The following NWD2 variants were observed in gnomAD, a reference collection of about 807,000 sequenced individuals.
NWD2 encodes NACHT and WD repeat domain-containing protein 2.
NWD2 carries 37 observed loss-of-function variants against 132.7 expected under a neutral mutation model. The ratio of observed to expected loss-of-function variants is 0.28; its 90% CI spans 0.21 to 0.37. The LOEUF (loss-of-function observed/expected upper bound fraction) is 0.37. Ranked by LOEUF, NWD2 falls within the 10% of genes least tolerant of loss-of-function variation. The pLI, the probability that NWD2 is intolerant of heterozygous loss-of-function variation, is 1.00. For synonymous variants in NWD2, 705 were observed against 803.0 expected, an observed-to-expected ratio of 0.88 and a Z score of 2.06; for missense variants, 1,592 against 2,122.4, an observed-to-expected ratio of 0.75 and a Z score of 4.91.
chr4:37,251,851 A>C (rs2109255206), intron 1 of NWD2, among the ~76,000 whole-genome samples: 1 of 152,350 alleles, frequency 6.6e-6, no homozygotes, highest in Admixed American at 6.5e-5. Context: ...CACTCACTCA[A>C]GCAGTAAATA....
intron 3 of NWD2, among the ~76,000 whole-genome samples, chr4:37,388,747 A>G (rs942498883): frequency 2.8e-5 from 4 of 144,902 alleles, no homozygotes; most frequent in African/African-American, 9.9e-5. Flanking sequence ...AAAATTTGCC[A>G]TTTTTAACCA....
intron 3 of NWD2, among the ~76,000 whole-genome samples, chr4:37,387,543 CTG>C (rs1195450547): frequency 6.6e-6 from 1 of 151,886 alleles, no homozygotes; most frequent in East Asian, 1.9e-4. Context: ...ATCTGCTTGT[CTG>C]TACGTCCTGT....
intron 1 of NWD2, among the ~76,000 whole-genome samples, chr4:37,267,430 C>A (rs1198199820): frequency 3.3e-5 from 5 of 151,964 alleles, no homozygotes; most frequent in Middle Eastern, 3.2e-3. Context: ...CTGATCATAG[C>A]AACCCCATCA....
At chr4:37,428,885 C>A (rs566219543) in intron 3 of NWD2, among the ~76,000 whole-genome samples, 112 of 152,280 alleles carry the variant, frequency 7.4e-4, no homozygotes, top group African/African-American at 2.6e-3. Context: ...GCACACACCA[C>A]CATGCCTGGC....
intron 3 of NWD2, among the ~76,000 whole-genome samples, chr4:37,399,583 C>G (rs7683401): frequency 0.14 from 20,924 of 152,180 alleles, 1,573 homozygotes; most frequent in East Asian, 0.29. Flanking sequence ...AAATAGCTCT[C>G]TTTCCCACTT....
chr4:37,404,643 A>C (rs150574149), intron 3 of NWD2, among the ~76,000 whole-genome samples: 46 of 152,350 alleles, frequency 3.0e-4, no homozygotes, highest in Non-Finnish European at 5.3e-4. Flanking sequence ...TCACACAGCT[A>C]TAAAGAAGTA....
At chr4:37,308,539 G>A (rs1395208596) in intron 1 of NWD2, among the ~76,000 whole-genome samples, 1 of 152,178 alleles carries the variant, frequency 6.6e-6, no homozygotes, top group African/African-American at 2.4e-5. Flanking sequence ...CAGACCCCAG[G>A]TAAACCAGAC....
intron 1 of NWD2, among the ~76,000 whole-genome samples, chr4:37,253,582 C>T (rs1165798251): frequency 6.6e-6 from 1 of 152,122 alleles, no homozygotes; most frequent in African/African-American, 2.4e-5. Flanking sequence ...TACATCACAG[C>T]CCATTACCTC....
chr4:37,289,440 A>T (rs1718313432), intron 1 of NWD2, among the ~76,000 whole-genome samples: 1 of 152,230 alleles, frequency 6.6e-6, no homozygotes, highest in South Asian at 2.1e-4. Context: ...AGAATTGTAC[A>T]GTAAACACTT....
intron 2 of NWD2, among the ~76,000 whole-genome samples, chr4:37,328,470 C>A (rs1170843328): frequency 6.6e-6 from 1 of 152,010 alleles, no homozygotes; most frequent in Non-Finnish European, 1.5e-5. Context: ...GTTCAATGCC[C>A]ACTTATGAGT....
chr4:37,315,665 T>C (rs1737778949), intron 1 of NWD2, among the ~76,000 whole-genome samples: 1 of 152,110 alleles, frequency 6.6e-6, no homozygotes, highest in South Asian at 2.1e-4. Flanking sequence ...CATTTGAATA[T>C]TTATTCCATT....
chr4:37,425,307 A>T (rs1711970597), intron 3 of NWD2, among the ~76,000 whole-genome samples: 1 of 152,230 alleles, frequency 6.6e-6, no homozygotes. Flanking sequence ...CAGAAACTAC[A>T]TAAAAGTCTG....
rs529631702 is a variant in NWD2 at position 37,421,693 on chromosome 4, A to C, written c.358-8879A>C. On this transcript the variant is annotated intron_variant, in intron 3 of 6. Transcript: ENST00000309447. ...TTAGACGAAATTGGTAAATTACCTA[A>C]TCTATGACTTGACCGCCTCATTTTA... Among the ~76,000 whole-genome samples the C allele has an allele frequency of 2.2e-4, 33 of 152,332 alleles. No homozygotes were observed. In the East Asian group the frequency reaches 3.1e-3, roughly 14 times the overall value.
At chr4:37,378,020 T>C (rs1720379182) in intron 3 of NWD2, among the ~76,000 whole-genome samples, 1 of 152,228 alleles carries the variant, frequency 6.6e-6, no homozygotes, top group Non-Finnish European at 1.5e-5. Flanking sequence ...TATACAATTA[T>C]TATTTTTCAA....
At chr4:37,414,670 G>A (rs1010026400) in intron 3 of NWD2, among the ~76,000 whole-genome samples, 4 of 152,038 alleles carry the variant, frequency 2.6e-5, no homozygotes, top group African/African-American at 9.7e-5. Flanking sequence ...CTGGAAGTGG[G>A]TACAGTGACA....
rs1030697148 is a variant in NWD2 at position 37,368,489 on chromosome 4, C to T, written c.357+12007C>T. Among the ~76,000 whole-genome samples the T allele has an allele frequency of 7.2e-5, 11 of 152,288 alleles. No individual in the cohort carries two copies. The East Asian group carries it at 2.1e-3, about 29-fold the overall frequency. ...TGGTAAGTCATATACTACCCTTGAC[C>T]TCTTAAGCACCCACTTAAACAGAAA... On this transcript the variant is annotated intron_variant, in intron 3 of 6. Coordinates refer to ENST00000309447, the MANE Select transcript of NWD2 (RefSeq NM_001144990.2).
intron 3 of NWD2, among the ~76,000 whole-genome samples, chr4:37,421,477 T>C (rs1711805728): frequency 6.6e-6 from 1 of 152,154 alleles, no homozygotes; most frequent in African/African-American, 2.4e-5. Flanking sequence ...TTGCAATAAG[T>C]AAAAAGGAGA....
chr4:37,275,253 T>A (rs1577652218), intron 1 of NWD2, among the ~76,000 whole-genome samples: 3 of 152,190 alleles, frequency 2.0e-5, no homozygotes, highest in Admixed American at 6.5e-5. Context: ...AAAATCAATG[T>A]GCAAAAATCA....
chr4:37,393,339 C>T (rs897242984), intron 3 of NWD2, among the ~76,000 whole-genome samples: 1 of 151,986 alleles, frequency 6.6e-6, no homozygotes, highest in Non-Finnish European at 1.5e-5. Flanking sequence ...AATGATTGAC[C>T]CTTAAGTTTT....
Sources: allele counts gnomAD v4.1 joint callset (sites outside exome capture counted in the v4.1 genomes callset), GRCh38; gene constraint gnomAD v4.1.1; transcripts MANE v1.5; gene names NCBI Gene and HGNC (gene_info 2026-07-23, HGNC 2026-07-21).